CD96: variants seen among roughly 807,000 people sequenced by gnomAD.
CD96 encodes the protein T-cell surface protein tactile.
Under a neutral mutation model 71.3 loss-of-function variants are expected in CD96, and 70 were observed. The observed-to-expected ratio is 0.98, with a 90% CI of 0.81 to 1.20. The LOEUF (loss-of-function observed/expected upper bound fraction) is 1.20, where lower values mean the gene tolerates loss of function less well. Among genes scored for constraint, CD96 ranks in the 50% most tolerant of loss-of-function variants. The probability of loss-of-function intolerance (pLI) is 0.00; values close to 1 mark genes in which losing one functional copy is unlikely to be tolerated. For missense variants in CD96, 742 were observed against 677.5 expected (o/e 1.10, Z -1.06); for synonymous variants, 248 against 233.0 (o/e 1.06, Z -0.59).
intron 13 of CD96, among the ~76,000 whole-genome samples, chr3:111,648,479 A>G (rs1293863532): frequency 6.6e-6 from 1 of 152,334 alleles, no homozygotes; most frequent in East Asian, 1.9e-4. Context: ...TTATTTTCCA[A>G]GGACTACAAT....
rs149456289 is a variant in CD96 at position 111,647,709 on chromosome 3, A to G, written c.1601+43A>G. On this transcript the variant is annotated intron_variant, in intron 13 of 13. Transcript: ENST00000352690. ...ATATGTAGGAACAGATTAATTTTTC[A>G]TTATAAAATATTCATCAGTACAATA... The G allele has an allele frequency of 1.6e-3, 2,233 of 1,398,224 alleles. 37 individuals are homozygous for G. The Admixed American group carries it at 0.028, about 18-fold the overall frequency. 86.6% of individuals were successfully genotyped at this position (1,398,224 alleles called of 1,614,324 possible).
intron 2 of CD96, among the ~76,000 whole-genome samples, chr3:111,545,682 G>A (rs1934359661): frequency 6.6e-6 from 1 of 152,200 alleles, no homozygotes; most frequent in Non-Finnish European, 1.5e-5. Context: ...TAACACCATA[G>A]CTTAAGTCTA....
At chr3:111,570,352 G>A (rs1935920445) in intron 3 of CD96, among the ~76,000 whole-genome samples, 1 of 152,168 alleles carries the variant, frequency 6.6e-6, no homozygotes, top group Admixed American at 6.5e-5. Context: ...TATGGTCTAA[G>A]GTCACAGTCT....
At chr3:111,612,439 A>G (rs533061863) in intron 8 of CD96, among the ~76,000 whole-genome samples, 112 of 152,368 alleles carry the variant, frequency 7.4e-4, no homozygotes, top group South Asian at 3.1e-3. Flanking sequence ...CCATGATTGT[A>G]TAATAATACT....
At chr3:111,583,158 G>A (rs1936547271) in intron 4 of CD96, among the ~76,000 whole-genome samples, 1 of 152,204 alleles carries the variant, frequency 6.6e-6, no homozygotes, top group African/African-American at 2.4e-5. Context: ...CAAAGGGGCT[G>A]CAGGCCCCAT....
intron 2 of CD96, among the ~76,000 whole-genome samples, chr3:111,562,893 CTT>C (rs1935525327): frequency 6.6e-6 from 1 of 152,200 alleles, no homozygotes; most frequent in Non-Finnish European, 1.5e-5. Context: ...CTAGCACTGT[CTT>C]TGTTTTGTGC....
rs1014492450 is a variant in CD96, at chr3:111,600,585, T to A, written c.899-141T>A. 18 of 660,342 alleles carry A rather than the reference T, an allele frequency of 2.7e-5. No homozygotes were observed. The Admixed American group carries it at 4.3e-4, about 16-fold the overall frequency. The allele number at this position is 660,342 out of a possible 1,614,324, so 40.9% of individuals were successfully genotyped here. On this transcript the variant is annotated intron_variant, in intron 6 of 13. Transcript: ENST00000352690. ...CAAGTTAATTTCAGATCTGCTGAAA[T>A]TGACTCTCACTGCAGAGAAGCTGCC... is the stretch of plus-strand genomic sequence containing the variant.
chr3:111,624,420 G>A lies in CD96; in HGVS notation c.1321+16G>A. 6.6e-7 allele frequency: 1 copy of A among 1,517,258 alleles called. No homozygotes were observed. Among genetic ancestry groups the A allele is most frequent in the Non-Finnish European group, 9.2e-7 (1 of 1,091,738 alleles). The allele number at this position is 1,517,258 out of a possible 1,614,324, so 94.0% of individuals were successfully genotyped here. A position where few individuals can be genotyped will look rare whatever the true frequency, so the allele number is the denominator to read the frequency against. On this transcript the variant is annotated intron_variant, in intron 10 of 13. Transcript: ENST00000352690. ...ACCAAAAAATGTTAAGTATAATCGT[G>A]GGTCCCTTGAGTCCTCTGGACTTCA... is the stretch of plus-strand genomic sequence containing the variant.
At chr3:111,543,049 G>A (rs548203837) in intron 1 of CD96, among the ~76,000 whole-genome samples, 39 of 152,282 alleles carry the variant, frequency 2.6e-4, no homozygotes, top group Admixed American at 2.2e-3. Context: ...TAGGATCAGA[G>A]CCATATTTTC....
Position 111,663,657 on chromosome 3 carries a change from A to G in CD96, c.*53-1870A>G, listed in dbSNP as rs374432854. 4.3e-4 allele frequency among the ~76,000 whole-genome samples: 65 copies of G among 152,304 alleles called. 1 individual carries two copies. In the East Asian group the frequency reaches 0.01, roughly 24 times the overall value. Reference sequence around the variant, plus strand: ...TTAGAGAAACACAAACCAAAATCACAATGAGATACCATCTCCCGCCAGCCA... The same window carrying G: ...TTAGAGAAACACAAACCAAAATCACGATGAGATACCATCTCCCGCCAGCCA... On this transcript the variant is annotated intron_variant and NMD_transcript_variant, in intron 14 of 14. Coordinates refer to the CD96 transcript ENST00000494798.
At chr3:111,645,953 T>C (rs1425723900) in intron 12 of CD96, among the ~76,000 whole-genome samples, 1 of 152,186 alleles carries the variant, frequency 6.6e-6, no homozygotes. Flanking sequence ...TGATAACTAA[T>C]ATTACATCTA....
intron 5 of CD96, among the ~76,000 whole-genome samples, chr3:111,588,424 C>T (rs913737796): frequency 3.9e-5 from 6 of 152,162 alleles, no homozygotes; most frequent in African/African-American, 1.2e-4. Flanking sequence ...TTTGTTAAAG[C>T]CATTCAGCAA....
chr3:111,615,125 A>C (rs1938164694), intron 8 of CD96, among the ~76,000 whole-genome samples: 1 of 152,230 alleles, frequency 6.6e-6, no homozygotes, highest in African/African-American at 2.4e-5. Context: ...CTCATCTGAA[A>C]TGAAGGTACA....
At chr3:111,665,487 C>T (rs139076670) in intron 14 of CD96, 5 of 152,052 alleles carry the variant, frequency 3.3e-5, no homozygotes, top group African/African-American at 4.8e-5. Context: ...CCCATAAGTT[C>T]GCTGTTTTTA....
chr3:111,570,804 C>T (rs1935943624), intron 3 of CD96: 2 of 1,613,488 alleles, frequency 1.2e-6, no homozygotes, highest in African/African-American at 1.3e-5. Context: ...AGCAGGTGGC[C>T]CTGGAGGCAC....
chr3:111,611,117 T>C (rs1937905717), intron 8 of CD96, among the ~76,000 whole-genome samples: 1 of 152,182 alleles, frequency 6.6e-6, no homozygotes, highest in East Asian at 1.9e-4. Flanking sequence ...CCCTTAGACC[T>C]GATGATGTTG....
chr3:111,607,558 A>G (rs960102983), intron 8 of CD96, among the ~76,000 whole-genome samples: 5 of 152,246 alleles, frequency 3.3e-5, no homozygotes, highest in African/African-American at 1.2e-4. Flanking sequence ...CTTATATTCT[A>G]TGTAAAGTAG....
At chr3:111,632,713 T>A (rs1285456006) in intron 10 of CD96, among the ~76,000 whole-genome samples, 1 of 152,158 alleles carries the variant, frequency 6.6e-6, no homozygotes, top group Non-Finnish European at 1.5e-5. Flanking sequence ...AGACATGGAA[T>A]CAACCTAAAT....
chr3:111,571,229 T>C (rs1218470917), intron 3 of CD96, among the ~76,000 whole-genome samples: 1 of 150,034 alleles, frequency 6.7e-6, no homozygotes, highest in Non-Finnish European at 1.5e-5. Context: ...GGTTTTTTTT[T>C]TTTATTGCTC....
Sources: gnomAD v4.1 joint callset for allele counts (sites outside exome capture counted in the v4.1 genomes callset) on GRCh38, gnomAD v4.1.1 for gene constraint, MANE v1.5 for transcripts, NCBI Gene and HGNC (gene_info 2026-07-23, HGNC 2026-07-21) for gene names.